Variants in LRRC37A2 observed in about 807,000 individuals in gnomAD.
LRRC37A2 encodes the protein leucine rich repeat containing 37 member A2.
A neutral mutation model predicts 68.8 loss-of-function variants in LRRC37A2; 9 were observed. The ratio of observed to expected loss-of-function variants is 0.13; its 90% CI spans 0.08 to 0.23. The LOEUF (loss-of-function observed/expected upper bound fraction) is 0.23, where lower values mean the gene tolerates loss of function less well. Among genes scored for constraint, LRRC37A2 ranks in the 10% least tolerant of loss-of-function variants. The pLI is 1.00. For missense variants in LRRC37A2, 168 were observed against 950.4 expected (o/e 0.18, Z 10.82); for synonymous variants, 63 against 367.6 (o/e 0.17, Z 9.48).
the LRRC37A2 span, among the ~76,000 whole-genome samples, chr17:46,495,386 TTTTG>T: frequency 9.3e-5 from 14 of 150,096 alleles, no homozygotes; most frequent in Admixed American, 4.6e-4. Flanking sequence ...GTTTTTTTGT[TTTTG>T]TTTTTGTTTT....
the LRRC37A2 span, among the ~76,000 whole-genome samples, chr17:46,887,794 C>T: frequency 7.0e-6 from 1 of 141,918 alleles, no homozygotes; most frequent in African/African-American, 2.6e-5. Flanking sequence ...AGAAAGAAAT[C>T]TCTGAGAGAG....
chr17:46,733,528 A>G, the LRRC37A2 span, among the ~76,000 whole-genome samples: 7,041 of 152,252 alleles, frequency 0.046, 537 homozygotes, highest in African/African-American at 0.16. Flanking sequence ...TGTATGTAAC[A>G]GGGTAGCCTC....
the LRRC37A2 span, among the ~76,000 whole-genome samples, chr17:46,962,843 A>G: frequency 1.3e-5 from 2 of 152,250 alleles, no homozygotes; most frequent in Non-Finnish European, 2.9e-5. Context: ...TTCTGGGAGT[A>G]GTTATGCAGT....
the LRRC37A2 span, among the ~76,000 whole-genome samples, chr17:46,759,204 G>A: frequency 1.8e-4 from 27 of 152,238 alleles, no homozygotes; most frequent in Non-Finnish European, 2.9e-4. Context: ...CTCTTGTCTC[G>A]AAAAATAAAA....
At chr17:46,873,000 A>C in the LRRC37A2 span, among the ~76,000 whole-genome samples, 1 of 151,966 alleles carries the variant, frequency 6.6e-6, no homozygotes, top group Non-Finnish European at 1.5e-5. Flanking sequence ...GGAGCAAGGA[A>C]GATCCAAGAG....
chr17:46,870,892 C>T, the LRRC37A2 span, among the ~76,000 whole-genome samples: 2 of 147,322 alleles, frequency 1.4e-5, no homozygotes, highest in African/African-American at 5.1e-5. Flanking sequence ...ACATTGCCTG[C>T]TTCCACCTTT....
the LRRC37A2 span, among the ~76,000 whole-genome samples, chr17:46,787,693 C>G: frequency 6.6e-6 from 1 of 152,220 alleles, no homozygotes; most frequent in East Asian, 1.9e-4. Context: ...GTGGCTCACG[C>G]CTGTATTCCC....
At chr17:46,739,285 C>A in the LRRC37A2 span, among the ~76,000 whole-genome samples, 1 of 148,412 alleles carries the variant, frequency 6.7e-6, no homozygotes, top group Non-Finnish European at 1.5e-5. Flanking sequence ...GCAGGAGAAT[C>A]GCTTGAACCC....
chr17:46,855,527 T>C, the LRRC37A2 span, among the ~76,000 whole-genome samples: 1 of 152,160 alleles, frequency 6.6e-6, no homozygotes, highest in African/African-American at 2.4e-5. Flanking sequence ...TCCCTAATGC[T>C]AACAGGGCTG....
At chr17:46,890,197 C>T in the LRRC37A2 span, among the ~76,000 whole-genome samples, 10 of 152,218 alleles carry the variant, frequency 6.6e-5, no homozygotes, top group Non-Finnish European at 1.3e-4. Flanking sequence ...ACTAATCATG[C>T]TGCTGTCAGT....
chr17:46,925,624 C>G, the LRRC37A2 span, among the ~76,000 whole-genome samples: 2 of 152,168 alleles, frequency 1.3e-5, no homozygotes, highest in African/African-American at 4.8e-5. Flanking sequence ...TCACAAGAAA[C>G]ACGTGGAGTC....
chr17:46,609,167 G>A, the LRRC37A2 span, among the ~76,000 whole-genome samples: 2 of 147,720 alleles, frequency 1.4e-5, no homozygotes, highest in Admixed American at 6.6e-5. Context: ...TGCTGGTAAT[G>A]TCCTCTTGAC....
chr17:46,844,837 C>T, the LRRC37A2 span, among the ~76,000 whole-genome samples: 2 of 151,400 alleles, frequency 1.3e-5, no homozygotes, highest in African/African-American at 4.9e-5. Flanking sequence ...CTTCCTCTTT[C>T]TTCTTTCTTT....
At chr17:46,798,630 C>T in the LRRC37A2 span, among the ~76,000 whole-genome samples, 125 of 152,250 alleles carry the variant, frequency 8.2e-4, 1 homozygote, top group African/African-American at 2.8e-3. Context: ...TGCATCCCAC[C>T]CAGGCCTCCT....
chr17:46,945,949 C>T, the LRRC37A2 span, among the ~76,000 whole-genome samples: 1 of 152,190 alleles, frequency 6.6e-6, no homozygotes, highest in East Asian at 1.9e-4. Context: ...ATGGTGATTT[C>T]TTCCAGGAAA....
the LRRC37A2 span, among the ~76,000 whole-genome samples, chr17:46,815,509 G>T: frequency 5.3e-5 from 8 of 152,144 alleles, no homozygotes; most frequent in Admixed American, 2.0e-4. Context: ...GCCAAGATGG[G>T]CTTAGATGCT....
At chr17:46,768,639 C>T in the LRRC37A2 span, 1 of 1,614,160 alleles carries the variant, frequency 6.2e-7, no homozygotes, top group Non-Finnish European at 8.5e-7. The surrounding 1 kb of genome is among the most constrained non-coding windows in gnomAD (Gnocchi z 5.0). Flanking sequence ...TCGGGACTCA[C>T]GGTGCTTCTC....
At chr17:46,679,605 T>A in the LRRC37A2 span, among the ~76,000 whole-genome samples, 2 of 136,230 alleles carry the variant, frequency 1.5e-5, no homozygotes, top group Admixed American at 7.4e-5. Flanking sequence ...GGCAGGAGAA[T>A]TGCTTGAACC....
At chr17:46,883,743 G>C in the LRRC37A2 span, among the ~76,000 whole-genome samples, 4 of 152,212 alleles carry the variant, frequency 2.6e-5, no homozygotes, top group South Asian at 2.1e-4. Context: ...TGAGGGAGTT[G>C]CAAGGATTCA....
Sources: gnomAD v4.1 joint callset for allele counts (sites outside exome capture counted in the v4.1 genomes callset) on GRCh38, gnomAD v4.1.1 for gene constraint, Gnocchi (gnomAD v3.1) non-coding constraint, MANE v1.5 for transcripts, NCBI Gene and HGNC (gene_info 2026-07-23, HGNC 2026-07-21) for gene names.